Variants in LDB3 observed in about 807,000 individuals in gnomAD.
LDB3 encodes the protein LIM domain binding 3.
In LDB3, 49 loss-of-function variants were observed where a neutral mutation model predicts 69.0. The ratio of observed to expected loss-of-function variants is 0.71; its 90% CI spans 0.56 to 0.90. LDB3 has a LOEUF of 0.90. Among genes scored for constraint, LDB3 ranks in the 40% least tolerant of loss-of-function variants. The pLI is 0.00. For synonymous variants in LDB3, 387 were observed against 396.2 expected, an observed-to-expected ratio of 0.98 and a Z score of 0.28; for missense variants, 928 against 974.1, an observed-to-expected ratio of 0.95 and a Z score of 0.63.
chr10:86,683,588 C>A lies in LDB3; in HGVS notation c.689+1785C>A, dbSNP rs142973253. On this transcript the variant is annotated intron_variant, in intron 5 of 13. Transcript: ENST00000361373. ...ACCCTGATGAATGTGTAAATTATTT[C>A]TTGGTGCTCAGAGCAGCAGAGTCTG... 2.4e-3 allele frequency among the ~76,000 whole-genome samples: 372 copies of A among 152,332 alleles called. 1 individual carries two copies. Among genetic ancestry groups the A allele is most frequent in the African/African-American group, 7.9e-3 (328 of 41,572 alleles).
At chr10:86,697,599 G>A (rs1185353350) in intron 7 of LDB3, among the ~76,000 whole-genome samples, 24 of 133,132 alleles carry the variant, frequency 1.8e-4, no homozygotes, top group Non-Finnish European at 3.2e-4. Flanking sequence ...TGTCGCCCAG[G>A]CTGGAGTGCA....
At chr10:86,680,220 C>T in intron 4 of LDB3, 63 bp downstream of exon 4, 7 of 1,484,064 alleles carry the variant, frequency 4.7e-6, no homozygotes, top group Non-Finnish European at 6.5e-6. Context: ...TGGCCCTGGC[C>T]AGCCTGCCTG....
intron 2 of LDB3, among the ~76,000 whole-genome samples, chr10:86,669,698 AG>A (rs936667081): frequency 1.2e-4 from 18 of 152,378 alleles, no homozygotes; most frequent in African/African-American, 4.3e-4. Context: ...CCCAAGGCTC[AG>A]GGCGAACTGT....
intron 7 of LDB3, among the ~76,000 whole-genome samples, chr10:86,700,460 G>C (rs1236619134): frequency 6.6e-6 from 1 of 152,224 alleles, no homozygotes; most frequent in African/African-American, 2.4e-5. Context: ...TCCTGGTCCA[G>C]AGGCGAGAGA....
chr10:86,721,364 A>G (rs1016326288), intron 12 of LDB3, among the ~76,000 whole-genome samples: 1 of 152,228 alleles, frequency 6.6e-6, no homozygotes, highest in Non-Finnish European at 1.5e-5. Flanking sequence ...AAATCTGCAG[A>G]TTGAGCCAGA....
upstream of LDB3, among the ~76,000 whole-genome samples, chr10:86,668,064 T>C (rs1844249462): frequency 6.6e-6 from 1 of 152,192 alleles, no homozygotes; most frequent in Non-Finnish European, 1.5e-5. Context: ...ATCGTTTTTA[T>C]GGCTGGACAA....
intron 12 of LDB3, among the ~76,000 whole-genome samples, chr10:86,723,291 AAAAG>A (rs1847149201): frequency 6.7e-6 from 1 of 149,756 alleles, no homozygotes; most frequent in South Asian, 2.1e-4. Context: ...AAAAAAAAAA[AAAAG>A]GAGATGATGG....
At chr10:86,679,817 G>C (rs2132362297) in intron 3 of LDB3, among the ~76,000 whole-genome samples, 1 of 152,356 alleles carries the variant, frequency 6.6e-6, no homozygotes, top group East Asian at 1.9e-4. Context: ...ACTTTGCCCA[G>C]GCAGCCCCCA....
chr10:86,711,299 C>T (rs1846651058), intron 9 of LDB3, among the ~76,000 whole-genome samples: 1 of 152,002 alleles, frequency 6.6e-6, no homozygotes. Context: ...CGCGGCCAGC[C>T]CGCCCTGCGT....
chr10:86,691,989 C>T lies in LDB3; in HGVS notation c.783C>T (p.Asp261=), dbSNP rs45470296. ...KSQNKPEDEA[D]EWARRSSNLQ... ...AGAACAAGCCAGAAGATGAGGCTGA[C>T]GAGTGGGCACGCCGTTCCTCCAACC... is the stretch of plus-strand genomic sequence containing the variant. The change falls in exon 6 of 14, where the codon GAC becomes GAT. Residue 261 remains aspartate, a synonymous_variant. Coordinates refer to ENST00000361373, the MANE Select transcript of LDB3 (RefSeq NM_007078.3). 20 of 1,614,166 alleles carry T rather than the reference C, an allele frequency of 1.2e-5. No homozygotes were observed. Among genetic ancestry groups the T allele is most frequent in the Admixed American group, 5.0e-5 (3 of 60,026 alleles).
Position 86,679,357 on chromosome 10 carries a change from A to G in LDB3, c.94-10A>G. ...CTTATGCTCACCCCCCACCTCCACT[A>G]TCCAATCAGATCACACCAGGCAGCA... On this transcript the variant is annotated splice_polypyrimidine_tract_variant and intron_variant, in intron 2 of 13. Transcript: ENST00000361373. 1 of 1,613,978 alleles carries G rather than the reference A, an allele frequency of 6.2e-7. No individual in the cohort carries two copies.
At chr10:86,677,512 G>C (rs919303589) in intron 2 of LDB3, among the ~76,000 whole-genome samples, 3 of 152,188 alleles carry the variant, frequency 2.0e-5, no homozygotes, top group Non-Finnish European at 2.9e-5. Flanking sequence ...CATCGTGCAT[G>C]ATGTCCCCAA....
chr10:86,706,836 G>A (rs1846464403), intron 8 of LDB3, 117 bp downstream of exon 8: 1 of 1,109,226 alleles, frequency 9.0e-7, no homozygotes, highest in South Asian at 1.5e-5. Context: ...AGGCCTAGAG[G>A]AAGCCAAGGC....
chr10:86,710,154 GAAGCAA>G, intron 9 of LDB3, 104 bp downstream of exon 9: 1 of 1,546,742 alleles, frequency 6.5e-7, no homozygotes, highest in East Asian at 2.4e-5. Flanking sequence ...AGAAGAATGG[GAAGCAA>G]GGCCTTGCTA....
At chr10:86,712,627 C>T (rs980750902) in intron 9 of LDB3, among the ~76,000 whole-genome samples, 6 of 152,082 alleles carry the variant, frequency 3.9e-5, no homozygotes, top group African/African-American at 7.2e-5. Flanking sequence ...TAATAAGGCA[C>T]GTAAAGGGCC....
chr10:86,712,747 A>G (rs1846714392), intron 9 of LDB3, among the ~76,000 whole-genome samples: 1 of 152,170 alleles, frequency 6.6e-6, no homozygotes. Flanking sequence ...ATTTTAATAT[A>G]TTTTCTTTGA....
intron 5 of LDB3, among the ~76,000 whole-genome samples, chr10:86,686,574 G>A (rs1199092142): frequency 1.3e-5 from 2 of 152,136 alleles, no homozygotes; most frequent in African/African-American, 2.4e-5. Flanking sequence ...CCAACACTGT[G>A]AGATGCCAAG....
intron 5 of LDB3, among the ~76,000 whole-genome samples, chr10:86,691,502 G>C (rs1845758004): frequency 6.6e-6 from 1 of 152,200 alleles, no homozygotes. Flanking sequence ...GGAATCCTCT[G>C]TGTCCCCCAG....
At chr10:86,732,840 A>T in intron 13 of LDB3, 47 bp from the exon 14 acceptor site, 1 of 1,475,816 alleles carries the variant, frequency 6.8e-7, no homozygotes, top group South Asian at 1.1e-5. Context: ...AAATCTGCTC[A>T]TGCCCTGTGC....
Sources: allele counts gnomAD v4.1 joint callset (sites outside exome capture counted in the v4.1 genomes callset), GRCh38; gene constraint gnomAD v4.1.1; transcripts MANE v1.5; gene names NCBI Gene and HGNC (gene_info 2026-07-23, HGNC 2026-07-21).